Variants in PARD3B observed in about 807,000 individuals in gnomAD.
The protein encoded by PARD3B is par-3 family cell polarity regulator beta.
PARD3B carries 103 observed loss-of-function variants against 130.2 expected under a neutral mutation model. That is an observed-to-expected ratio of 0.79 (90% CI 0.67 to 0.93). The LOEUF (loss-of-function observed/expected upper bound fraction) is 0.93, where lower values mean the gene tolerates loss of function less well. Ranked by LOEUF, PARD3B falls within the 40% of genes least tolerant of loss-of-function variation. The pLI is 0.00. For missense variants in PARD3B, 1,609 were observed against 1,499.2 expected, an observed-to-expected ratio of 1.07 and a Z score of -1.21; for synonymous variants, 583 against 553.2, an observed-to-expected ratio of 1.05 and a Z score of -0.76.
chr2:204,937,531 C>G (rs1688560521), intron 2 of PARD3B, among the ~76,000 whole-genome samples: 1 of 152,092 alleles, frequency 6.6e-6, no homozygotes, highest in Non-Finnish European at 1.5e-5. Flanking sequence ...TCTATAAGCT[C>G]TTCAGTGGCA....
At chr2:204,985,269 C>T (rs1285882184) in intron 3 of PARD3B, among the ~76,000 whole-genome samples, 1 of 152,058 alleles carries the variant, frequency 6.6e-6, no homozygotes, top group Non-Finnish European at 1.5e-5. Context: ...TGCATTAAAG[C>T]CCAAACAACA....
intron 20 of PARD3B, among the ~76,000 whole-genome samples, chr2:205,443,764 A>G (rs573681708): frequency 6.6e-6 from 1 of 152,302 alleles, no homozygotes; most frequent in South Asian, 2.1e-4. Flanking sequence ...AGTGGCTGCA[A>G]AGCAGGCTGG....
At chr2:205,610,383 T>C (rs761917725) in intron 22 of PARD3B, among the ~76,000 whole-genome samples, 2 of 152,188 alleles carry the variant, frequency 1.3e-5, no homozygotes, top group Admixed American at 6.5e-5. Context: ...TACATAAAGA[T>C]GTTCCTAGAT....
At chr2:204,641,022 ATATT>A (rs2035059481) in intron 1 of PARD3B, among the ~76,000 whole-genome samples, 1 of 147,916 alleles carries the variant, frequency 6.8e-6, no homozygotes, top group South Asian at 2.1e-4. Context: ...AAGTATGTAT[ATATT>A]TACTATATTA....
intron 2 of PARD3B, among the ~76,000 whole-genome samples, chr2:204,957,732 C>T (rs1044870801): frequency 1.3e-5 from 2 of 152,076 alleles, no homozygotes; most frequent in African/African-American, 4.8e-5. Context: ...TATTTAGTTA[C>T]AAGCAGATGC....
At chr2:205,232,902 G>T (rs577677028) in intron 15 of PARD3B, among the ~76,000 whole-genome samples, 1 of 152,278 alleles carries the variant, frequency 6.6e-6, no homozygotes, top group South Asian at 2.1e-4. Context: ...AACTTCAGGT[G>T]GTTTCAGATA....
At chr2:204,857,972 A>G (rs553011710) in intron 2 of PARD3B, among the ~76,000 whole-genome samples, 13 of 152,174 alleles carry the variant, frequency 8.5e-5, no homozygotes, top group Non-Finnish European at 1.5e-4. Context: ...TTAGTCCTGA[A>G]CACTTGGTAA....
chr2:205,153,264 G>C (rs149617317), intron 10 of PARD3B, among the ~76,000 whole-genome samples: 8,390 of 152,212 alleles, frequency 0.055, 284 homozygotes, highest in African/African-American at 0.091. Context: ...CAGTCTGTCT[G>C]TTCTCAGATC....
At chr2:204,916,263 A>G (rs1444071333) in intron 2 of PARD3B, among the ~76,000 whole-genome samples, 1 of 152,232 alleles carries the variant, frequency 6.6e-6, no homozygotes, top group African/African-American at 2.4e-5. Context: ...AACAGAAAAC[A>G]TTATTTCACT....
intron 18 of PARD3B, among the ~76,000 whole-genome samples, chr2:205,363,957 G>A (rs1449278346): frequency 2.1e-5 from 3 of 142,296 alleles, no homozygotes; most frequent in Non-Finnish European, 4.5e-5. Context: ...ATGAACCACC[G>A]CACCCAGTCT....
intron 2 of PARD3B, among the ~76,000 whole-genome samples, chr2:204,693,516 C>T (rs58870976): frequency 0.044 from 6,718 of 152,056 alleles, 407 homozygotes; most frequent in East Asian, 0.14. Context: ...TAAGTTAACA[C>T]GAAGTGTTCA....
At chr2:204,920,976 G>C (rs900664012) in intron 2 of PARD3B, among the ~76,000 whole-genome samples, 3 of 152,124 alleles carry the variant, frequency 2.0e-5, no homozygotes, top group South Asian at 2.1e-4. Flanking sequence ...CAGTGCAGCT[G>C]GAATATCTTG....
intron 22 of PARD3B, among the ~76,000 whole-genome samples, chr2:205,554,506 T>C (rs888067605): frequency 6.6e-6 from 1 of 152,242 alleles, no homozygotes; most frequent in African/African-American, 2.4e-5. Context: ...TTTAAAACTT[T>C]TATAAAGTTA....
chr2:205,615,212 C>T lies in PARD3B; in HGVS notation c.3261-244C>T, dbSNP rs540842829. Among the ~76,000 whole-genome samples, 8 of 152,284 alleles carry T rather than the reference C, an allele frequency of 5.3e-5. 1 individual carries two copies. The highest frequency in any genetic ancestry group is 1.9e-4 in the African/African-American group (8 of 41,560). On this transcript the variant is annotated intron_variant, in intron 22 of 22. Transcript: ENST00000406610. ...AGGCTCTCACCTTCTTGTTGCTCTG[C>T]CTCCCATAGCACGTGGTTTTCACCT...
Position 205,229,290 on chromosome 2 carries a change from C to T in PARD3B, c.2141-16488C>T, listed in dbSNP as rs1338178092. On this transcript the variant is annotated intron_variant, in intron 15 of 22. Transcript: ENST00000406610. The surrounding 1 kb of genome is among the most constrained non-coding windows in gnomAD (Gnocchi z 5.2). ...TCGGTTCTTGGGGTCATCAATTCCA[C>T]GCTTTGGCTCTTCAAGGGAATTGAG... 2.0e-5 allele frequency among the ~76,000 whole-genome samples: 3 copies of T among 152,160 alleles called. No homozygotes were observed. The highest frequency in any genetic ancestry group is 3.2e-3 in the Middle Eastern group (1 of 316).
chr2:205,431,571 G>A (rs1047591467), intron 19 of PARD3B, among the ~76,000 whole-genome samples: 1 of 151,550 alleles, frequency 6.6e-6, no homozygotes, highest in African/African-American at 2.4e-5. Context: ...CCCGGTTCTT[G>A]CCATTCTCCT....
chr2:205,180,185 C>T (rs895945995), intron 13 of PARD3B, among the ~76,000 whole-genome samples: 4 of 150,342 alleles, frequency 2.7e-5, no homozygotes, highest in African/African-American at 9.8e-5. Context: ...CTTTGTGGAT[C>T]TGTGCTACCA....
At chr2:205,120,508 G>C (rs1358864631) in intron 7 of PARD3B, among the ~76,000 whole-genome samples, 5 of 152,168 alleles carry the variant, frequency 3.3e-5, no homozygotes, top group Non-Finnish European at 5.9e-5. Flanking sequence ...ATGTGCTGTG[G>C]CTGCTAGGAA....
intron 21 of PARD3B, 55 bp downstream of exon 21, chr2:205,500,086 A>G: frequency 5.7e-6 from 9 of 1,586,332 alleles, no homozygotes; most frequent in Non-Finnish European, 7.8e-6. Context: ...GAATGTTTAG[A>G]GCAGAAGAAC....
Sources: allele counts gnomAD v4.1 joint callset (sites outside exome capture counted in the v4.1 genomes callset), GRCh38; gene constraint gnomAD v4.1.1; non-coding constraint Gnocchi (gnomAD v3.1); transcripts MANE v1.5; gene names NCBI Gene and HGNC (gene_info 2026-07-23, HGNC 2026-07-21).